Variants in KLF13 observed in about 807,000 individuals in gnomAD.
KLF13 encodes the protein KLF transcription factor 13.
A neutral mutation model predicts 16.7 loss-of-function variants in KLF13; 8 were observed. The ratio of observed to expected loss-of-function variants is 0.48; its 90% CI spans 0.28 to 0.87. The LOEUF (loss-of-function observed/expected upper bound fraction) is 0.87. Ranked by LOEUF, KLF13 falls within the 40% of genes least tolerant of loss-of-function variation. The pLI, the probability that KLF13 is intolerant of heterozygous loss-of-function variation, is 0.10. For synonymous variants in KLF13, 245 were observed against 208.4 expected (o/e 1.18, Z -1.51); for missense variants, 447 against 452.2 (o/e 0.99, Z 0.10).
downstream of KLF13, among the ~76,000 whole-genome samples, chr15:31,405,404 A>G (rs1015254753): frequency 2.0e-5 from 3 of 152,268 alleles, no homozygotes; most frequent in Non-Finnish European, 4.4e-5. Flanking sequence ...ACTGCGGTCT[A>G]CGAACCAGGA....
At chr15:31,403,969 T>C (rs2040077452) in exon 3 of KLF13, 1 of 152,226 alleles carries the variant, frequency 6.6e-6, no homozygotes, top group Admixed American at 6.5e-5. Context: ...GGACCCCTCC[T>C]ACACACTGGC....
intron 1 of KLF13, among the ~76,000 whole-genome samples, chr15:31,420,948 C>T (rs1203720798): frequency 1.3e-5 from 2 of 152,192 alleles, no homozygotes; most frequent in Non-Finnish European, 2.9e-5. Flanking sequence ...CCGCCTTGGC[C>T]TCCCAAAGTG....
chr15:31,354,444 G>C (rs1289653871), intron 1 of KLF13, among the ~76,000 whole-genome samples: 1 of 152,154 alleles, frequency 6.6e-6, no homozygotes, highest in African/African-American at 2.4e-5. Context: ...GCAATGGCGC[G>C]ATCTCAGCTC....
rs570950190 is a variant in KLF13 at position 31,354,808 on chromosome 15, G to A, written c.578-17202G>A. 1.1e-4 allele frequency among the ~76,000 whole-genome samples: 16 copies of A among 151,874 alleles called. No homozygotes were observed. In the South Asian group the frequency reaches 1.9e-3, roughly 18 times the overall value. ...TTATCTCTGCCCCTCCCCCACCACCGTCCTCTCCAGTTGTTTTGAAGGAAA... is the reference window on the plus strand; with the variant it reads ...TTATCTCTGCCCCTCCCCCACCACCATCCTCTCCAGTTGTTTTGAAGGAAA... On this transcript the variant is annotated intron_variant, in intron 1 of 1. Transcript: ENST00000307145.
At chr15:31,390,915 C>G (rs922745901), upstream of KLF13, among the ~76,000 whole-genome samples, 1 of 151,700 alleles carries the variant, frequency 6.6e-6, no homozygotes, top group African/African-American at 2.4e-5. Flanking sequence ...GACCACAGGT[C>G]ATGTCTGGTG....
intron 1 of KLF13, among the ~76,000 whole-genome samples, chr15:31,345,788 C>G (rs1277366570): frequency 6.6e-6 from 1 of 152,176 alleles, no homozygotes; most frequent in Non-Finnish European, 1.5e-5. Context: ...CCCTGCCAGC[C>G]TGGTGTAAAG....
At chr15:31,420,387 G>C in intron 1 of KLF13, 1 of 1,145,190 alleles carries the variant, frequency 8.7e-7, no homozygotes, top group Admixed American at 1.8e-5. Flanking sequence ...GAGTTCCCCA[G>C]TGGCTACCCT....
downstream of KLF13, among the ~76,000 whole-genome samples, chr15:31,380,451 G>A (rs1392000723): frequency 2.6e-5 from 4 of 152,186 alleles, no homozygotes; most frequent in African/African-American, 7.2e-5. Context: ...CCCAGTTAGC[G>A]TTCAGAGGAA....
intron 1 of KLF13, among the ~76,000 whole-genome samples, chr15:31,337,128 C>G (rs1422403977): frequency 2.6e-5 from 4 of 152,232 alleles, no homozygotes; most frequent in African/African-American, 9.6e-5. Context: ...TTGAAGGCAT[C>G]CACAGGGGTG....
At chr15:31,422,234 A>G (rs746141441) in intron 1 of KLF13, among the ~76,000 whole-genome samples, 7 of 152,200 alleles carry the variant, frequency 4.6e-5, no homozygotes, top group Non-Finnish European at 8.8e-5. Flanking sequence ...TAGGCTGTGT[A>G]TTAGTCCATT....
intron 1 of KLF13, among the ~76,000 whole-genome samples, chr15:31,358,153 C>T (rs868108922): frequency 3.7e-4 from 57 of 152,132 alleles, no homozygotes; most frequent in African/African-American, 1.4e-3. Context: ...TTGTTCTTGC[C>T]CAACAATGTT....
intron 1 of KLF13, among the ~76,000 whole-genome samples, chr15:31,413,192 A>T (rs1230988326): frequency 1.3e-5 from 2 of 149,536 alleles, no homozygotes; most frequent in Non-Finnish European, 3.0e-5. Context: ...ATAGACAAAA[A>T]AAAAAAAAAA....
At chr15:31,397,718 A>ATCC (rs755251136) in intron 2 of KLF13, among the ~76,000 whole-genome samples, 1 of 152,068 alleles carries the variant, frequency 6.6e-6, no homozygotes, top group Non-Finnish European at 1.5e-5. Context: ...TAACATTATT[A>ATCC]TTATTATGTT....
chr15:31,347,855 C>T (rs530108051), intron 1 of KLF13, among the ~76,000 whole-genome samples: 48 of 152,326 alleles, frequency 3.2e-4, no homozygotes, highest in South Asian at 1.0e-3. Context: ...GTGGCTGCAG[C>T]GCTGGTGGAA....
intron 1 of KLF13, among the ~76,000 whole-genome samples, chr15:31,387,822 C>T (rs775893908): frequency 5.3e-5 from 8 of 152,238 alleles, no homozygotes; most frequent in Non-Finnish European, 1.0e-4. Flanking sequence ...CGTGACAGGG[C>T]TGTGACCAGC....
intron 1 of KLF13, chr15:31,340,012 G>A (rs1273101627): frequency 7.1e-6 from 5 of 702,404 alleles, no homozygotes; most frequent in Non-Finnish European, 1.0e-5. Context: ...AAGTGGCTTT[G>A]TTTATTTTAC....
At chr15:31,408,314 C>G (rs1335144606), downstream of KLF13, among the ~76,000 whole-genome samples, 4 of 152,180 alleles carry the variant, frequency 2.6e-5, no homozygotes, top group African/African-American at 7.2e-5. Context: ...CGAGGAGACT[C>G]TTGAGAAAGC....
chr15:31,352,527 C>T (rs1260449813), intron 1 of KLF13, among the ~76,000 whole-genome samples: 4 of 152,196 alleles, frequency 2.6e-5, no homozygotes, highest in African/African-American at 4.8e-5. Context: ...CTGAGATTAG[C>T]GTCTGTATGT....
intron 1 of KLF13, among the ~76,000 whole-genome samples, chr15:31,410,316 T>G (rs1005062008): frequency 6.6e-6 from 1 of 151,108 alleles, no homozygotes; most frequent in African/African-American, 2.4e-5. Context: ...AAGACTGCAT[T>G]AAAAAAAGGA....
Sources: gnomAD v4.1 joint callset for allele counts (sites outside exome capture counted in the v4.1 genomes callset) on GRCh38, gnomAD v4.1.1 for gene constraint, MANE v1.5 for transcripts, NCBI Gene and HGNC (gene_info 2026-07-23, HGNC 2026-07-21) for gene names.